Variants in GABRB1 observed in about 807,000 individuals in gnomAD.
The protein encoded by GABRB1 is gamma-aminobutyric acid receptor subunit beta-1.
In GABRB1, 17 loss-of-function variants were observed where a neutral mutation model predicts 51.6. The ratio of observed to expected loss-of-function variants is 0.33; its 90% CI spans 0.23 to 0.49. GABRB1 has a LOEUF of 0.49. Among genes scored for constraint, GABRB1 ranks in the 20% least tolerant of loss-of-function variants. The probability of loss-of-function intolerance (pLI) is 0.99; values close to 1 mark genes in which losing one functional copy is unlikely to be tolerated. For synonymous variants in GABRB1, 247 were observed against 218.9 expected, an observed-to-expected ratio of 1.13 and a Z score of -1.14; for missense variants, 410 against 600.6, an observed-to-expected ratio of 0.68 and a Z score of 3.32.
At chr4:47,174,766 A>AT (rs980278901) in intron 4 of GABRB1, among the ~76,000 whole-genome samples, 54 of 151,960 alleles carry the variant, frequency 3.6e-4, no homozygotes, top group African/African-American at 1.3e-3. Flanking sequence ...CATTCTTAGG[A>AT]TTTTTGCTGG....
chr4:46,999,350 C>A (rs1012595655), intron 1 of GABRB1, among the ~76,000 whole-genome samples: 1 of 152,124 alleles, frequency 6.6e-6, no homozygotes, highest in Non-Finnish European at 1.5e-5. Context: ...TTAAGTTTAA[C>A]ATATTCATAC....
At chr4:47,344,335 T>C (rs985388055) in intron 5 of GABRB1, among the ~76,000 whole-genome samples, 1 of 152,222 alleles carries the variant, frequency 6.6e-6, no homozygotes, top group African/African-American at 2.4e-5. Flanking sequence ...GGAACTGTGT[T>C]CGGGTATAAA....
intron 3 of GABRB1, among the ~76,000 whole-genome samples, chr4:47,100,863 G>A (rs963659377): frequency 1.3e-5 from 2 of 151,772 alleles, no homozygotes; most frequent in East Asian, 1.9e-4. Context: ...ATAATAGAGG[G>A]GGTATGCAAA....
intron 3 of GABRB1, among the ~76,000 whole-genome samples, chr4:47,113,030 G>T (rs1232728548): frequency 2.6e-5 from 4 of 152,006 alleles, no homozygotes; most frequent in Non-Finnish European, 5.9e-5. Context: ...TTAGAAGGTT[G>T]GATGGGAAAG....
chr4:47,362,903 G>A (rs1174044212), intron 5 of GABRB1, among the ~76,000 whole-genome samples: 1 of 152,114 alleles, frequency 6.6e-6, no homozygotes, highest in African/African-American at 2.4e-5. Context: ...AAATGAATAT[G>A]TGTAAACAGA....
chr4:47,197,464 T>C (rs1004387516), intron 4 of GABRB1, among the ~76,000 whole-genome samples: 1 of 152,260 alleles, frequency 6.6e-6, no homozygotes, highest in Admixed American at 6.5e-5. Flanking sequence ...ATTAGAAGTG[T>C]TGGTGTTTCC....
At chr4:47,339,936 A>G (rs1019619735) in intron 5 of GABRB1, among the ~76,000 whole-genome samples, 7 of 152,178 alleles carry the variant, frequency 4.6e-5, no homozygotes, top group Admixed American at 2.6e-4. Context: ...CCACTAAGTA[A>G]TAAGTGACTA....
Position 47,195,445 on chromosome 4 carries a change from TGATAGATAGATTAGATGATA to T in GABRB1, c.461+33988_461+34007del, listed in dbSNP as rs1195771093. ...ATAGATAGATAGATAGATAGATAGA[TGATAGATAGATTAGATGATA>T]GATAGATAGATAGATAGATAGATAG... is the stretch of plus-strand genomic sequence containing the variant. On this transcript the variant is annotated intron_variant, in intron 4 of 8. Transcript: ENST00000295454. Among the ~76,000 whole-genome samples the T allele has an allele frequency of 2.3e-3, 295 of 129,698 alleles. 1 individual carries two copies. Among genetic ancestry groups the T allele is most frequent in the East Asian group, 6.9e-3 (26 of 3,784 alleles). The allele number at this position is 129,698 out of a possible 152,430, so 85.1% of individuals were successfully genotyped here.
rs560952959 is a variant in GABRB1 at position 47,077,408 on chromosome 4, C to T, written c.240+44924C>T. ...ACCTAGATAGCAAGGATGGCCTTATCATCTACCTGCAGCATAGTAGAAAAA... is the reference window on the plus strand; with the variant it reads ...ACCTAGATAGCAAGGATGGCCTTATTATCTACCTGCAGCATAGTAGAAAAA... On this transcript the variant is annotated intron_variant, in intron 3 of 8. Coordinates refer to ENST00000295454, the MANE Select transcript of GABRB1 (RefSeq NM_000812.4). 4.6e-5 allele frequency among the ~76,000 whole-genome samples: 7 copies of T among 152,272 alleles called. No individual in the cohort carries two copies. The South Asian group carries it at 1.5e-3, about 32-fold the overall frequency.
In GABRB1 at chr4:47,361,483, C is replaced by A. The variant is rs541041984; in HGVS notation, c.544+41274C>A. Reference sequence around the variant, plus strand: ...AGTTGAGGTTGTAGAAGAGACGGAGCAAAATGAGAAACCACTGAAGGAACT... The same window carrying A: ...AGTTGAGGTTGTAGAAGAGACGGAGAAAAATGAGAAACCACTGAAGGAACT... On this transcript the variant is annotated intron_variant, in intron 5 of 8. Transcript: ENST00000295454. Among the ~76,000 whole-genome samples the A allele has an allele frequency of 2.2e-4, 33 of 152,096 alleles. 2 individuals are homozygous for A. Among genetic ancestry groups the A allele is most frequent in the African/African-American group, 7.5e-4 (31 of 41,534 alleles).
intron 3 of GABRB1, among the ~76,000 whole-genome samples, chr4:47,038,360 A>G (rs188228028): frequency 5.4e-4 from 82 of 152,314 alleles, no homozygotes; most frequent in African/African-American, 1.6e-3. Flanking sequence ...ACAAGAAGCA[A>G]TGATCTTCAA....
chr4:47,009,185 C>G (rs1339092755), intron 1 of GABRB1, among the ~76,000 whole-genome samples: 3 of 149,452 alleles, frequency 2.0e-5, no homozygotes, highest in African/African-American at 7.3e-5. Flanking sequence ...TTTGTTCACT[C>G]AATATTTTTG....
chr4:47,242,141 G>T (rs866422368), intron 4 of GABRB1, among the ~76,000 whole-genome samples: 3 of 152,022 alleles, frequency 2.0e-5, no homozygotes, highest in Non-Finnish European at 4.4e-5. Flanking sequence ...GCGGTGTTTG[G>T]TTATCTGTCC....
At chr4:47,287,036 C>T (rs116617481) in intron 4 of GABRB1, among the ~76,000 whole-genome samples, 3,341 of 152,206 alleles carry the variant, frequency 0.022, 38 homozygotes, top group South Asian at 0.041. Flanking sequence ...TTCCCTACAC[C>T]GCATTGGCCC....
At chr4:47,278,727 C>T (rs1723171617) in intron 4 of GABRB1, among the ~76,000 whole-genome samples, 2 of 152,082 alleles carry the variant, frequency 1.3e-5, no homozygotes, top group Admixed American at 6.6e-5. Flanking sequence ...TCATGTGATG[C>T]CAATTCATGA....
chr4:47,352,351 G>T (rs1405126422), intron 5 of GABRB1, among the ~76,000 whole-genome samples: 1 of 152,044 alleles, frequency 6.6e-6, no homozygotes, highest in African/African-American at 2.4e-5. Context: ...GGAGGAACTG[G>T]TACCATTCCT....
At chr4:47,243,428 T>C (rs1721612474) in intron 4 of GABRB1, among the ~76,000 whole-genome samples, 2 of 152,182 alleles carry the variant, frequency 1.3e-5, no homozygotes, top group Admixed American at 1.3e-4. Context: ...GTGAAGAAAG[T>C]CATTGGTAGC....
rs1486528148 is a variant in GABRB1 at position 47,425,881 on chromosome 4, C to G, written c.1288C>G (p.Arg430Gly). The G allele has an allele frequency of 6.8e-6, 11 of 1,614,134 alleles. No homozygotes were observed. The highest frequency in any genetic ancestry group is 9.3e-6 in the Non-Finnish European group (11 of 1,179,978). Residue 430 changes from arginine to glycine, a missense_variant, in exon 9 of 9, where the codon CGC becomes GGC. By Grantham distance (125) the Arg-to-Gly change is moderately radical (BLOSUM62 -2). Around this residue, in one of 5 missense-constraint regions of GABRB1, gnomAD observed 181 missense variants for 195.6 expected, o/e 0.93. Coordinates refer to ENST00000295454, the MANE Select transcript of GABRB1 (RefSeq NM_000812.4). The part of the protein sequence containing the change: ...RHGVPSKGRI[R>G]RRASQLKVKI... ...CGGGGTACCCAGCAAGGGGCGCATCCGCAGGCGTGCCTCCCAGCTCAAAGT... is the reference window on the plus strand; with the variant it reads ...CGGGGTACCCAGCAAGGGGCGCATCGGCAGGCGTGCCTCCCAGCTCAAAGT...
rs115423242 is a variant in GABRB1 at position 47,101,544 on chromosome 4, C to A, written c.241-59705C>A. Among the ~76,000 whole-genome samples the A allele has an allele frequency of 2.4e-3, 358 of 151,868 alleles. 1 individual carries two copies. The highest frequency in any genetic ancestry group is 8.3e-3 in the African/African-American group (342 of 41,442). ...AACCTCTTTTTTTTGTTTTGGCCAA[C>A]CCCTCTCTGCCACTGCAACCAACCG... is the stretch of plus-strand genomic sequence containing the variant. On this transcript the variant is annotated intron_variant, in intron 3 of 8. Coordinates refer to ENST00000295454, the MANE Select transcript of GABRB1 (RefSeq NM_000812.4).
Sources: gnomAD v4.1 joint callset for allele counts (sites outside exome capture counted in the v4.1 genomes callset) on GRCh38, gnomAD v4.1.1 for gene constraint, gnomAD v4.1.1 regional missense constraint, MANE v1.5 for transcripts, NCBI Gene and HGNC (gene_info 2026-07-23, HGNC 2026-07-21) for gene names.